Variants in IQGAP2 observed in about 807,000 individuals in gnomAD.
The protein encoded by IQGAP2 is IQ motif containing GTPase activating protein 2, also known as ras GTPase-activating-like protein IQGAP2.
IQGAP2 carries 173 observed loss-of-function variants against 201.3 expected under a neutral mutation model. The observed-to-expected ratio is 0.86, with a 90% CI of 0.76 to 0.98. IQGAP2 has a LOEUF of 0.98. Among genes scored for constraint, IQGAP2 ranks in the 50% least tolerant of loss-of-function variants. IQGAP2 has a pLI of 0.00. For synonymous variants in IQGAP2, 675 were observed against 673.9 expected (o/e 1.00, Z -0.03); for missense variants, 1,687 against 1,864.8 (o/e 0.90, Z 1.76).
At chr5:76,692,390 G>A (rs926129510) in intron 30 of IQGAP2, among the ~76,000 whole-genome samples, 4 of 152,228 alleles carry the variant, frequency 2.6e-5, no homozygotes, top group Non-Finnish European at 5.9e-5. Flanking sequence ...GACCGCAGGT[G>A]ATCCGCCCAC....
At chr5:76,611,631 G>A (rs1183412505) in intron 13 of IQGAP2, among the ~76,000 whole-genome samples, 5 of 152,158 alleles carry the variant, frequency 3.3e-5, no homozygotes, top group Admixed American at 6.5e-5. Context: ...TAAAGATAAG[G>A]GTGTGCAAAG....
intron 2 of IQGAP2, among the ~76,000 whole-genome samples, chr5:76,503,397 A>C (rs920130300): frequency 1.3e-5 from 2 of 149,982 alleles, no homozygotes; most frequent in Non-Finnish European, 3.0e-5. Context: ...CTGGTCACAA[A>C]CTCCTGACTT....
At position 76,417,382 on chromosome 5, in the gene IQGAP2, C is replaced by T. The variant is rs113922230; in HGVS notation, c.46+13791C>T. ...TCTGCTTACTGCAATCTCCGCCTCC[C>T]GGGTTCAAGTGATTCTCCTGCCTCA... On this transcript the variant is annotated intron_variant, in intron 1 of 35. Coordinates refer to ENST00000274364, the MANE Select transcript of IQGAP2 (RefSeq NM_006633.5). 1.8e-4 allele frequency among the ~76,000 whole-genome samples: 27 copies of T among 151,960 alleles called. 1 individual carries two copies. Among genetic ancestry groups the T allele is most frequent in the South Asian group, 1.2e-3 (6 of 4,810 alleles).
intron 2 of IQGAP2, among the ~76,000 whole-genome samples, chr5:76,526,640 T>G (rs1303992027): frequency 1.3e-5 from 2 of 152,162 alleles, no homozygotes; most frequent in African/African-American, 2.4e-5. Context: ...ATGAGCTTTT[T>G]TCTTCCACCG....
At chr5:76,559,060 C>T (rs912611812) in intron 2 of IQGAP2, among the ~76,000 whole-genome samples, 4 of 152,136 alleles carry the variant, frequency 2.6e-5, no homozygotes, top group Admixed American at 1.3e-4. Context: ...GCCACCACGA[C>T]CGGCTAATTT....
chr5:76,629,001 T>C (rs1750477868), intron 14 of IQGAP2, among the ~76,000 whole-genome samples: 1 of 152,344 alleles, frequency 6.6e-6, no homozygotes, highest in African/African-American at 2.4e-5. Flanking sequence ...AGAAGGTTTT[T>C]AAAATGTTCT....
intron 2 of IQGAP2, among the ~76,000 whole-genome samples, chr5:76,471,709 A>T (rs199678708): frequency 1.5e-4 from 2 of 13,470 alleles, no homozygotes; most frequent in East Asian, 4.5e-4. Flanking sequence ...TGATTAGTTT[A>T]AAAAAAAAAA....
intron 2 of IQGAP2, among the ~76,000 whole-genome samples, chr5:76,498,746 G>A (rs966026051): frequency 4.6e-5 from 7 of 152,214 alleles, no homozygotes. Flanking sequence ...GGTGTTAGTT[G>A]AGCTTACCTG....
At chr5:76,590,098 C>T (rs962445910) in intron 7 of IQGAP2, among the ~76,000 whole-genome samples, 2 of 152,176 alleles carry the variant, frequency 1.3e-5, no homozygotes, top group Non-Finnish European at 2.9e-5. Flanking sequence ...ACCCATGTCG[C>T]CCTGACCAGA....
At chr5:76,599,217 A>AAAT (rs1226126577) in intron 10 of IQGAP2, among the ~76,000 whole-genome samples, 2 of 152,178 alleles carry the variant, frequency 1.3e-5, no homozygotes, top group African/African-American at 2.4e-5. Flanking sequence ...ATCTTTACAA[A>AAAT]AATAATAATA....
intron 35 of IQGAP2, among the ~76,000 whole-genome samples, chr5:76,704,027 C>T (rs1747662399): frequency 6.6e-6 from 1 of 152,116 alleles, no homozygotes; most frequent in Non-Finnish European, 1.5e-5. Context: ...TTGATAAGGA[C>T]ATTGAGATAA....
chr5:76,683,761 G>A lies in IQGAP2; in HGVS notation c.3764-15G>A. 1 of 1,603,138 alleles carries A rather than the reference G, an allele frequency of 6.2e-7. No homozygotes were observed. Among genetic ancestry groups the A allele is most frequent in the Non-Finnish European group, 8.5e-7 (1 of 1,174,216 alleles). On this transcript the variant is annotated splice_polypyrimidine_tract_variant and intron_variant, in intron 29 of 35. Transcript: ENST00000274364. Reference sequence around the variant, plus strand: ...GAGTGAATTGGAAAAATAACACTAGGTTTTTTCCCTACAGGGGAAGGAGCA... The same window carrying A: ...GAGTGAATTGGAAAAATAACACTAGATTTTTTCCCTACAGGGGAAGGAGCA...
intron 35 of IQGAP2, among the ~76,000 whole-genome samples, chr5:76,705,774 C>T (rs1399007359): frequency 3.3e-5 from 5 of 152,176 alleles, no homozygotes; most frequent in Admixed American, 6.5e-5. Flanking sequence ...TCAAAGATGA[C>T]TCCAACTTCT....
chr5:76,509,478 G>A (rs908603288), intron 2 of IQGAP2, among the ~76,000 whole-genome samples: 1 of 151,154 alleles, frequency 6.6e-6, no homozygotes, highest in Admixed American at 6.6e-5. Flanking sequence ...CTCACTGCAA[G>A]CTCCGCCTCC....
intron 15 of IQGAP2, among the ~76,000 whole-genome samples, chr5:76,634,292 C>T (rs1283968788): frequency 1.3e-5 from 2 of 151,474 alleles, no homozygotes; most frequent in Non-Finnish European, 2.9e-5. Context: ...GATGAAGTCT[C>T]ACTCTGTCAC....
At chr5:76,681,754 C>A (rs1745322741) in intron 28 of IQGAP2, among the ~76,000 whole-genome samples, 1 of 152,026 alleles carries the variant, frequency 6.6e-6, no homozygotes, top group Admixed American at 6.6e-5. Context: ...TGGAAGTATA[C>A]CCATAAAAAA....
chr5:76,453,747 T>C (rs993881483), intron 1 of IQGAP2, among the ~76,000 whole-genome samples: 1 of 152,216 alleles, frequency 6.6e-6, no homozygotes, highest in Non-Finnish European at 1.5e-5. Context: ...ATTCATTATC[T>C]ATAGAGAATA....
chr5:76,628,339 A>G (rs982293021), intron 14 of IQGAP2, among the ~76,000 whole-genome samples: 2 of 152,214 alleles, frequency 1.3e-5, no homozygotes, highest in Non-Finnish European at 2.9e-5. Context: ...GATGAATAGA[A>G]TATTAGCTCA....
chr5:76,676,077 TCACACACACACACACACACA>T (rs34099080), intron 27 of IQGAP2, among the ~76,000 whole-genome samples: 10 of 135,668 alleles, frequency 7.4e-5, no homozygotes, highest in East Asian at 2.3e-4. Flanking sequence ...TAAGACTCTG[TCACACACACACACACACACA>T]CACACACACA....
Sources: gnomAD v4.1 joint callset for allele counts (sites outside exome capture counted in the v4.1 genomes callset) on GRCh38, gnomAD v4.1.1 for gene constraint, MANE v1.5 for transcripts, NCBI Gene and HGNC (gene_info 2026-07-23, HGNC 2026-07-21) for gene names.